TBC1D5: variants seen among roughly 807,000 people sequenced by gnomAD.
TBC1D5 encodes the protein TBC1 domain family, member 5.
TBC1D5 carries 75 observed loss-of-function variants against 100.3 expected under a neutral mutation model. The observed-to-expected ratio is 0.75, with a 90% CI of 0.62 to 0.91. The LOEUF (loss-of-function observed/expected upper bound fraction) is 0.91. Ranked by LOEUF, TBC1D5 falls within the 40% of genes least tolerant of loss-of-function variation. TBC1D5 has a pLI of 0.00. For synonymous variants in TBC1D5, 323 were observed against 325.6 expected (o/e 0.99, Z 0.09); for missense variants, 910 against 942.4 (o/e 0.97, Z 0.45).
chr3:17,417,641 G>A (rs527547481), intron 4 of TBC1D5, among the ~76,000 whole-genome samples: 4 of 152,008 alleles, frequency 2.6e-5, no homozygotes, highest in Non-Finnish European at 4.4e-5. Context: ...GAATAGTGCC[G>A]CAATAAACAT....
chr3:17,672,020 A>C (rs1044208521), intron 1 of TBC1D5, among the ~76,000 whole-genome samples: 2 of 152,258 alleles, frequency 1.3e-5, no homozygotes, highest in African/African-American at 4.8e-5. Context: ...CTGATAGTCT[A>C]ACATTCGGCA....
At chr3:17,233,699 A>T in intron 17 of TBC1D5, 1 of 1,540,816 alleles carries the variant, frequency 6.5e-7, no homozygotes, top group Non-Finnish European at 8.8e-7. Context: ...GAGGTCAGTT[A>T]GAGTCTGGAC....
chr3:17,702,394 C>A (rs1028271566), intron 1 of TBC1D5: 1 of 151,904 alleles, frequency 6.6e-6, no homozygotes, highest in Non-Finnish European at 1.5e-5. Flanking sequence ...TAACAGATAC[C>A]TAATTGAAGC....
intron 15 of TBC1D5, among the ~76,000 whole-genome samples, chr3:17,269,233 A>C (rs2079131486): frequency 6.6e-6 from 1 of 152,172 alleles, no homozygotes; most frequent in Admixed American, 6.5e-5. Flanking sequence ...CACCTGAATA[A>C]GAAGTCTAGG....
At chr3:17,379,910 C>G (rs922817677) in intron 9 of TBC1D5, among the ~76,000 whole-genome samples, 3 of 151,244 alleles carry the variant, frequency 2.0e-5, no homozygotes, top group African/African-American at 7.3e-5. Flanking sequence ...CTTATTGTAC[C>G]ATACTCAACT....
In TBC1D5 at chr3:17,202,109, T is replaced by G. The variant is rs147119463; in HGVS notation, c.1752+12098A>C. On this transcript the variant is annotated intron_variant, in intron 18 of 21. Transcript: ENST00000253692. ...AAAATGCTGATAGTGATATAGGCAA[T>G]GAAGTCCAGGCTGAGATAGTCTCAG... is the stretch of plus-strand genomic sequence containing the variant. Among the ~76,000 whole-genome samples, 1,396 of 152,312 alleles carry G rather than the reference T, an allele frequency of 9.2e-3. 20 individuals are homozygous for G. Among genetic ancestry groups the G allele is most frequent in the African/African-American group, 0.031 (1,303 of 41,552 alleles).
chr3:17,182,834 AC>A (rs1316225202), intron 19 of TBC1D5, among the ~76,000 whole-genome samples: 1 of 151,966 alleles, frequency 6.6e-6, no homozygotes, highest in African/African-American at 2.4e-5. Context: ...GTAACTTATT[AC>A]CCCCATTTTT....
intron 2 of TBC1D5, among the ~76,000 whole-genome samples, chr3:17,510,107 G>A (rs973721791): frequency 6.6e-6 from 1 of 150,672 alleles, no homozygotes; most frequent in Non-Finnish European, 1.5e-5. Context: ...GGAAATAAGA[G>A]AAAAAAGAAG....
At chr3:17,225,151 A>G (rs1487256151) in intron 17 of TBC1D5, among the ~76,000 whole-genome samples, 1 of 152,166 alleles carries the variant, frequency 6.6e-6, no homozygotes, top group Non-Finnish European at 1.5e-5. Context: ...TACATATAAA[A>G]TAACAGGCCG....
intron 1 of TBC1D5, among the ~76,000 whole-genome samples, chr3:17,689,358 C>T (rs1289734640): frequency 2.0e-5 from 3 of 151,702 alleles, no homozygotes; most frequent in Non-Finnish European, 4.4e-5. Flanking sequence ...GACAACATGG[C>T]GAAACCCCGT....
intron 1 of TBC1D5, among the ~76,000 whole-genome samples, chr3:17,668,382 C>A (rs1332610047): frequency 6.6e-6 from 1 of 151,822 alleles, no homozygotes; most frequent in African/African-American, 2.4e-5. Flanking sequence ...TGATTTTATA[C>A]TCTGTGCTAT....
At chr3:17,250,146 A>G (rs2149277348) in intron 16 of TBC1D5, among the ~76,000 whole-genome samples, 1 of 152,332 alleles carries the variant, frequency 6.6e-6, no homozygotes, top group Middle Eastern at 3.4e-3. Context: ...CCCAGTTAGA[A>G]TTGCCCTTGA....
intron 8 of TBC1D5, among the ~76,000 whole-genome samples, chr3:17,400,268 C>T (rs998760550): frequency 7.2e-5 from 11 of 152,062 alleles, no homozygotes; most frequent in Non-Finnish European, 1.0e-4. Context: ...CACTTTATAA[C>T]CTTATCTGGG....
chr3:17,683,056 T>C (rs924674776), intron 1 of TBC1D5, among the ~76,000 whole-genome samples: 3 of 151,588 alleles, frequency 2.0e-5, no homozygotes, highest in Non-Finnish European at 4.4e-5. Context: ...ACATCTTTCC[T>C]TACTTTTTAA....
At chr3:17,681,208 C>T (rs2153810603) in intron 1 of TBC1D5, among the ~76,000 whole-genome samples, 1 of 151,640 alleles carries the variant, frequency 6.6e-6, no homozygotes, top group East Asian at 1.9e-4. Context: ...GTAGTTCTTT[C>T]CTTTTTTGTT....
chr3:17,246,011 C>T (rs1433835046), intron 16 of TBC1D5, among the ~76,000 whole-genome samples: 2 of 152,024 alleles, frequency 1.3e-5, no homozygotes, highest in Non-Finnish European at 2.9e-5. Context: ...GCCCTCTTCA[C>T]CTCTCTTTTC....
At position 17,316,775 on chromosome 3, in the gene TBC1D5, T is replaced by G. The variant is rs541529631; in HGVS notation, c.996-8641A>C. 5.3e-5 allele frequency among the ~76,000 whole-genome samples: 8 copies of G among 152,306 alleles called. 1 individual carries two copies. The South Asian group carries it at 1.7e-3, about 32-fold the overall frequency. ...GTCCATGACTTGGCAATACTCATCTTCACTGACCTGAGGGTGGAAAGGTTG... is the reference window on the plus strand; with the variant it reads ...GTCCATGACTTGGCAATACTCATCTGCACTGACCTGAGGGTGGAAAGGTTG... On this transcript the variant is annotated intron_variant, in intron 13 of 21. Transcript: ENST00000253692.
intron 13 of TBC1D5, among the ~76,000 whole-genome samples, chr3:17,353,122 C>G (rs1196199372): frequency 6.6e-6 from 1 of 151,958 alleles, no homozygotes; most frequent in African/African-American, 2.4e-5. Context: ...AAAGAAAATC[C>G]ATGGCACTGA....
intron 9 of TBC1D5, 106 bp downstream of exon 9, chr3:17,383,807 G>T: frequency 1.2e-6 from 1 of 819,498 alleles, no homozygotes; most frequent in Non-Finnish European, 1.9e-6. Context: ...TTAGCATTAT[G>T]ATACAACTTT....
Sources: gnomAD v4.1 joint callset for allele counts (sites outside exome capture counted in the v4.1 genomes callset) on GRCh38, gnomAD v4.1.1 for gene constraint, MANE v1.5 for transcripts, NCBI Gene and HGNC (gene_info 2026-07-23, HGNC 2026-07-21) for gene names.